The following LAPTM4A variants were observed in gnomAD, a reference collection of about 807,000 sequenced individuals.
LAPTM4A encodes the protein lysosomal protein transmembrane 4 alpha, also known as lysosomal-associated transmembrane protein 4A.
In LAPTM4A, 19 loss-of-function variants were observed where a neutral mutation model predicts 29.9. The ratio of observed to expected loss-of-function variants is 0.64; its 90% CI spans 0.44 to 0.93. The LOEUF (loss-of-function observed/expected upper bound fraction) is 0.93. Among genes scored for constraint, LAPTM4A ranks in the 40% least tolerant of loss-of-function variants. The probability of loss-of-function intolerance (pLI) is 0.00; values close to 1 mark genes in which losing one functional copy is unlikely to be tolerated. For synonymous variants in LAPTM4A, 105 were observed against 102.1 expected (o/e 1.03, Z -0.17); for missense variants, 293 against 288.5 (o/e 1.02, Z -0.11).
chr2:20,051,618 G>C lies in LAPTM4A; in HGVS notation c.-98C>G, dbSNP rs1674077558. 5.2e-6 allele frequency: 4 copies of C among 770,526 alleles called. No homozygotes were observed. Among genetic ancestry groups the C allele is most frequent in the East Asian group, 5.6e-5 (2 of 35,584 alleles). The allele number at this position is 770,526 out of a possible 1,614,324, so 47.7% of individuals were successfully genotyped here. A position where few individuals can be genotyped will look rare whatever the true frequency, so the allele number is the denominator to read the frequency against. On this transcript the variant is annotated 5_prime_UTR_variant, in exon 1 of 7. Transcript: ENST00000175091. ...TGTTTCACGGCCTCCAAAACCCAAC[G>C]ACGCGTCTTCAAACCCGCCCCCGGC... is the stretch of plus-strand genomic sequence containing the variant.
At chr2:20,035,094 C>T in intron 4 of LAPTM4A, 32 bp from the exon 5 acceptor site, 1 of 1,469,518 alleles carries the variant, frequency 6.8e-7, no homozygotes, top group East Asian at 2.3e-5. Context: ...ATTTACAAGT[C>T]AGCCATCGCA....
Position 20,033,053 on chromosome 2 carries a change from T to C in LAPTM4A, c.*152A>G, listed in dbSNP as rs992002009. On this transcript the variant is annotated 3_prime_UTR_variant, in exon 7 of 7. Coordinates refer to ENST00000175091, the MANE Select transcript of LAPTM4A (RefSeq NM_014713.5). ...AAAACAAAAAGACGTTTAACAGATG[T>C]CAAAAAGCTCCTTAGTGTTTGAAAA... The C allele has an allele frequency of 4.6e-6, 3 of 653,492 alleles. No individual in the cohort carries two copies. Among genetic ancestry groups the C allele is most frequent in the Non-Finnish European group, 5.4e-6 (2 of 367,842 alleles). 40.5% of individuals were successfully genotyped at this position (653,492 alleles called of 1,614,324 possible).
chr2:20,036,167 G>A (rs1261015427), intron 4 of LAPTM4A, among the ~76,000 whole-genome samples: 2 of 133,244 alleles, frequency 1.5e-5, no homozygotes, highest in African/African-American at 2.9e-5. Context: ...CACAGAAGCC[G>A]CTGACCGTGG....
Position 20,037,585 on chromosome 2 carries a change from C to G in LAPTM4A, c.262G>C (p.Val88Leu). 1.2e-6 allele frequency: 2 copies of G among 1,608,532 alleles called. No individual in the cohort carries two copies. Among genetic ancestry groups the G allele is most frequent in the Non-Finnish European group, 1.7e-6 (2 of 1,177,732 alleles). ...DNACVLFAVS[V>L]LMFIISSMLV... Reference sequence around the variant, plus strand: ...ATTGAACTGATTATAAACATAAGAACAGAGACGGCAAAAAGAACACAGGCA... The same window carrying G: ...ATTGAACTGATTATAAACATAAGAAGAGAGACGGCAAAAAGAACACAGGCA... Residue 88 changes from valine to leucine, a missense_variant, in exon 3 of 7, where the codon GTT becomes CTT. Transcript: ENST00000175091.
chr2:20,041,881 G>A (rs1293560444), intron 1 of LAPTM4A, among the ~76,000 whole-genome samples: 1 of 152,088 alleles, frequency 6.6e-6, no homozygotes, highest in Non-Finnish European at 1.5e-5. Flanking sequence ...CTAAATAAGT[G>A]CTCCAATACC....
chr2:20,043,791 G>A (rs193141851), intron 1 of LAPTM4A, among the ~76,000 whole-genome samples: 1 of 152,344 alleles, frequency 6.6e-6, no homozygotes, highest in Non-Finnish European at 1.5e-5. Context: ...CGTGAAGTAA[G>A]TATTACCAAA....
chr2:20,050,787 G>A (rs767947298), intron 1 of LAPTM4A, among the ~76,000 whole-genome samples: 2 of 152,184 alleles, frequency 1.3e-5, no homozygotes, highest in Non-Finnish European at 2.9e-5. Context: ...ACTGCGCAGG[G>A]AGGAGGCTGC....
intron 1 of LAPTM4A, among the ~76,000 whole-genome samples, chr2:20,048,595 G>A (rs1435213071): frequency 6.6e-6 from 1 of 152,188 alleles, no homozygotes; most frequent in Non-Finnish European, 1.5e-5. Flanking sequence ...TGATAGCGAG[G>A]GAGAGGGGCT....
In LAPTM4A at chr2:20,037,535, T is replaced by TA; in HGVS notation, c.309+2dup. The TA allele has an allele frequency of 3.1e-6, 5 of 1,607,050 alleles. No individual in the cohort carries two copies. The highest frequency in any genetic ancestry group is 4.3e-6 in the Non-Finnish European group (5 of 1,176,402). On this transcript the variant is annotated splice_region_variant and intron_variant, in intron 3 of 6. Coordinates refer to ENST00000175091, the MANE Select transcript of LAPTM4A (RefSeq NM_014713.5). Reference sequence around the variant, plus strand: ...CTAAAAGATGAAAATACAGTATACTTACAGAAATTGCTCCATAAACCAGCA... The same window carrying TA: ...CTAAAAGATGAAAATACAGTATACTTAACAGAAATTGCTCCATAAACCAGCA...
chr2:20,034,525 A>T, intron 5 of LAPTM4A, 110 bp from the exon 6 acceptor site: 2 of 764,444 alleles, frequency 2.6e-6, no homozygotes, highest in Non-Finnish European at 2.3e-6. Flanking sequence ...TGTAGAAGGG[A>T]GCTGACCTCT....
intron 1 of LAPTM4A, among the ~76,000 whole-genome samples, chr2:20,043,606 T>C (rs942426705): frequency 2.0e-5 from 3 of 152,250 alleles, no homozygotes; most frequent in Non-Finnish European, 1.5e-5. Context: ...TTTCCTTTTA[T>C]CAGCTGAAGT....
At chr2:20,036,166 C>T (rs1215804540) in intron 4 of LAPTM4A, among the ~76,000 whole-genome samples, 2 of 144,428 alleles carry the variant, frequency 1.4e-5, no homozygotes, top group Middle Eastern at 3.2e-3. Context: ...ACACAGAAGC[C>T]GCTGACCGTG....
At chr2:20,038,171 G>A (rs1022533147) in intron 2 of LAPTM4A, among the ~76,000 whole-genome samples, 11 of 152,018 alleles carry the variant, frequency 7.2e-5, no homozygotes, top group Non-Finnish European at 1.6e-4. Flanking sequence ...TTCAAATTTC[G>A]CCATTAACCT....
chr2:20,050,151 G>GT (rs1674022041), intron 1 of LAPTM4A, among the ~76,000 whole-genome samples: 1 of 152,166 alleles, frequency 6.6e-6, no homozygotes, highest in African/African-American at 2.4e-5. Flanking sequence ...CATTCGTGTT[G>GT]TTTTTTAAAT....
At chr2:20,036,545 A>C (rs1673680546) in intron 4 of LAPTM4A, among the ~76,000 whole-genome samples, 1 of 152,184 alleles carries the variant, frequency 6.6e-6, no homozygotes, top group African/African-American at 2.4e-5. Context: ...GCAACCAGCG[A>C]ATGTTTTCTG....
chr2:20,035,362 C>T (rs545087855), intron 4 of LAPTM4A: 52 of 324,908 alleles, frequency 1.6e-4, no homozygotes, highest in African/African-American at 8.9e-4. Flanking sequence ...AAAACACTAT[C>T]GCCTATATGG....
In LAPTM4A at chr2:20,049,262, A is replaced by T. The variant is rs184257836; in HGVS notation, c.111+2148T>A. Among the ~76,000 whole-genome samples, 3 of 152,312 alleles carry T rather than the reference A, an allele frequency of 2.0e-5. No homozygotes were observed. The East Asian group carries it at 5.8e-4, about 29-fold the overall frequency. On this transcript the variant is annotated intron_variant, in intron 1 of 6. Coordinates refer to ENST00000175091, the MANE Select transcript of LAPTM4A (RefSeq NM_014713.5). ...TTGTTTGTCCACCAAAGCCTTTTAC[A>T]CTGCAGGTGGTCAGTAAATCTCTTA...
intron 1 of LAPTM4A, among the ~76,000 whole-genome samples, chr2:20,044,723 A>C (rs1673873762): frequency 6.6e-6 from 1 of 152,268 alleles, no homozygotes; most frequent in South Asian, 2.1e-4. Context: ...ACTAAATATT[A>C]AACAAAATAA....
At chr2:20,033,504 G>A (rs1673618528) in intron 6 of LAPTM4A, among the ~76,000 whole-genome samples, 1 of 152,142 alleles carries the variant, frequency 6.6e-6, no homozygotes, top group Non-Finnish European at 1.5e-5. Flanking sequence ...TGGGGAGAGA[G>A]AGTCCTGCTT....
Sources: allele counts gnomAD v4.1 joint callset (sites outside exome capture counted in the v4.1 genomes callset), GRCh38; gene constraint gnomAD v4.1.1; transcripts MANE v1.5; gene names NCBI Gene and HGNC (gene_info 2026-07-23, HGNC 2026-07-21).